TIAM1: variants seen among roughly 807,000 people sequenced by gnomAD.
The protein encoded by TIAM1 is TIAM Rac1 associated GEF 1.
Under a neutral mutation model 163.5 loss-of-function variants are expected in TIAM1, and 65 were observed. The ratio of observed to expected loss-of-function variants is 0.40; its 90% CI spans 0.33 to 0.49. The LOEUF (loss-of-function observed/expected upper bound fraction) is 0.49. Ranked by LOEUF, TIAM1 falls within the 20% of genes least tolerant of loss-of-function variation. TIAM1 has a pLI of 0.77. For missense variants in TIAM1, 1,789 were observed against 2,044.7 expected (o/e 0.87, Z 2.41); for synonymous variants, 833 against 810.1 (o/e 1.03, Z -0.48).
intron 2 of TIAM1, among the ~76,000 whole-genome samples, chr21:31,368,475 A>G (rs2076536145): frequency 6.6e-6 from 1 of 152,222 alleles, no homozygotes; most frequent in Non-Finnish European, 1.5e-5. Context: ...CAAATCCAAA[A>G]TATCCCAATC....
chr21:31,355,178 A>C (rs997260383), intron 2 of TIAM1, among the ~76,000 whole-genome samples: 1 of 151,758 alleles, frequency 6.6e-6, no homozygotes, highest in Non-Finnish European at 1.5e-5. Flanking sequence ...ACCACCAAAA[A>C]AAAAAAAAAA....
chr21:31,424,784 C>T (rs2043722873), intron 2 of TIAM1, among the ~76,000 whole-genome samples: 1 of 152,216 alleles, frequency 6.6e-6, no homozygotes. Flanking sequence ...GGCGCAGTGG[C>T]TCACGCCTAT....
At chr21:31,520,829 T>C (rs550162076) in intron 1 of TIAM1, among the ~76,000 whole-genome samples, 14 of 152,344 alleles carry the variant, frequency 9.2e-5, no homozygotes, top group Non-Finnish European at 1.8e-4. Context: ...AGAAGCTGAA[T>C]TCAAGACATG....
At chr21:31,470,278 T>A (rs2045694067) in intron 1 of TIAM1, among the ~76,000 whole-genome samples, 1 of 152,058 alleles carries the variant, frequency 6.6e-6, no homozygotes. Flanking sequence ...GTGCTGGGAT[T>A]ACAGGTGTGA....
chr21:31,445,443 A>G (rs1394677397), intron 2 of TIAM1, among the ~76,000 whole-genome samples: 1 of 152,218 alleles, frequency 6.6e-6, no homozygotes, highest in Non-Finnish European at 1.5e-5. Context: ...AGACTCCTTT[A>G]TGTAAGTTCC....
At chr21:31,346,463 A>G (rs1474071488), upstream of TIAM1, among the ~76,000 whole-genome samples, 4 of 152,274 alleles carry the variant, frequency 2.6e-5, no homozygotes, top group Middle Eastern at 3.4e-3. Context: ...TGCACTCACC[A>G]AGCTACTGAC....
intron 1 of TIAM1, among the ~76,000 whole-genome samples, chr21:31,528,134 A>AGGGAG (rs924330570): frequency 6.6e-6 from 1 of 152,198 alleles, no homozygotes; most frequent in Non-Finnish European, 1.5e-5. Flanking sequence ...TTAAGGGAGC[A>AGGGAG]GGGAGGGGGG....
intron 26 of TIAM1, among the ~76,000 whole-genome samples, chr21:31,124,907 C>T (rs925336629): frequency 6.6e-6 from 1 of 152,008 alleles, no homozygotes. Flanking sequence ...TATCTCCTGG[C>T]GCTGATGTGG....
At chr21:31,498,100 G>A (rs777590637) in intron 1 of TIAM1, among the ~76,000 whole-genome samples, 7 of 152,174 alleles carry the variant, frequency 4.6e-5, no homozygotes, top group Admixed American at 6.5e-5. Context: ...GGACAAACCC[G>A]AATGTAAACA....
At chr21:31,485,006 A>T (rs1310370882) in intron 1 of TIAM1, among the ~76,000 whole-genome samples, 1 of 152,232 alleles carries the variant, frequency 6.6e-6, no homozygotes, top group Non-Finnish European at 1.5e-5. Flanking sequence ...GGTCTTCACC[A>T]GACACCAAAT....
rs749665308 is a variant in TIAM1 at position 31,127,045 on chromosome 21, C to T, written c.4133+20G>A. 3 of 1,613,236 alleles carry T rather than the reference C, an allele frequency of 1.9e-6. No homozygotes were observed. The South Asian group carries it at 3.3e-5, about 18-fold the overall frequency. ...TGCAGAAATGTCAACACGGCCTCGA[C>T]TTTACAGGCCCAGGCTCACCTGCAG... On this transcript the variant is annotated intron_variant, in intron 26 of 27. Coordinates refer to ENST00000541036, the MANE Select transcript of TIAM1 (RefSeq NM_001353694.2).
At chr21:31,170,910 C>T (rs1456026839) in intron 15 of TIAM1, among the ~76,000 whole-genome samples, 1 of 151,692 alleles carries the variant, frequency 6.6e-6, no homozygotes, top group Non-Finnish European at 1.5e-5. Context: ...GTGGCACGCA[C>T]CTATAATCCC....
chr21:31,284,112 C>G (rs533047300), intron 2 of TIAM1, among the ~76,000 whole-genome samples: 1 of 152,186 alleles, frequency 6.6e-6, no homozygotes, highest in Non-Finnish European at 1.5e-5. Context: ...TGTGGCTTAA[C>G]GTACAGGGTG....
At chr21:31,474,638 C>T (rs913588390) in intron 1 of TIAM1, among the ~76,000 whole-genome samples, 24 of 151,794 alleles carry the variant, frequency 1.6e-4, no homozygotes, top group Middle Eastern at 6.8e-3. Context: ...CTCCGCCTCC[C>T]GGGTTCAAGC....
intron 1 of TIAM1, among the ~76,000 whole-genome samples, chr21:31,544,185 G>A (rs1254944669): frequency 6.6e-6 from 1 of 151,356 alleles, no homozygotes; most frequent in African/African-American, 2.4e-5. Flanking sequence ...TCCAGCCAGG[G>A]GGGCAGAGGG....
At chr21:31,223,376 T>A (rs752113168) in intron 8 of TIAM1, 30 bp downstream of exon 8, 2 of 1,579,992 alleles carry the variant, frequency 1.3e-6, no homozygotes, top group East Asian at 2.3e-5. Flanking sequence ...AAGCTTAATG[T>A]TTTTCAAAAA....
chr21:31,548,418 G>A (rs1336519547), intron 1 of TIAM1, among the ~76,000 whole-genome samples: 3 of 151,478 alleles, frequency 2.0e-5, no homozygotes, highest in Admixed American at 2.0e-4. Context: ...TGGGATTACA[G>A]GCGTGACCCA....
intron 1 of TIAM1, among the ~76,000 whole-genome samples, chr21:31,495,482 C>A (rs1042974898): frequency 2.6e-5 from 4 of 152,098 alleles, no homozygotes; most frequent in African/African-American, 4.8e-5. Context: ...ATGCCATTCA[C>A]GACAGAGGAG....
At chr21:31,146,743 A>G (rs1031279012) in intron 20 of TIAM1, 152 bp downstream of exon 20, 10 of 581,412 alleles carry the variant, frequency 1.7e-5, no homozygotes, top group Non-Finnish European at 3.1e-5. Context: ...AAATGAATAC[A>G]TTACATTGCT....
Sources: allele counts gnomAD v4.1 joint callset (sites outside exome capture counted in the v4.1 genomes callset), GRCh38; gene constraint gnomAD v4.1.1; transcripts MANE v1.5; gene names NCBI Gene and HGNC (gene_info 2026-07-23, HGNC 2026-07-21).